Variants in KIF9 observed in about 807,000 individuals in gnomAD.
The protein encoded by KIF9 is kinesin family member 9, also known as kinesin-like protein KIF9.
KIF9 carries 68 observed loss-of-function variants against 94.8 expected under a neutral mutation model. The observed-to-expected ratio is 0.72, with a 90% CI of 0.59 to 0.88. The LOEUF is 0.88. Ranked by LOEUF, KIF9 falls within the 40% of genes least tolerant of loss-of-function variation. The pLI is 0.00. For synonymous variants in KIF9, 343 were observed against 362.1 expected (o/e 0.95, Z 0.60); for missense variants, 882 against 982.5 (o/e 0.90, Z 1.37).
chr3:47,282,475 G>T lies in KIF9; in HGVS notation c.-6+20C>A. On this transcript the variant is annotated intron_variant, in intron 1 of 20. Coordinates refer to ENST00000684063, the MANE Select transcript of KIF9 (RefSeq NM_182902.4). ...CTTTTCCCGTCTCCCCACTCCCACC[G>T]GCGAGCAGCCCCTGCTCACCGTTCA... 1 of 989,236 alleles carries T rather than the reference G, an allele frequency of 1.0e-6. No individual in the cohort carries two copies. Among genetic ancestry groups the T allele is most frequent in the Non-Finnish European group, 1.2e-6 (1 of 831,916 alleles). 61.3% of individuals were successfully genotyped at this position (989,236 alleles called of 1,614,324 possible).
intron 17 of KIF9, 54 bp downstream of exon 17, chr3:47,240,747 C>A (rs1699406655): frequency 2.0e-6 from 3 of 1,481,720 alleles, no homozygotes; most frequent in Admixed American, 3.4e-5. Context: ...TCTGCTTCAA[C>A]CAGCATGACT....
At chr3:47,232,980 C>CAA (rs1162797241) in intron 20 of KIF9, among the ~76,000 whole-genome samples, 4 of 48,538 alleles carry the variant, frequency 8.2e-5, no homozygotes, top group Non-Finnish European at 1.6e-4. Context: ...GACTCCATCT[C>CAA]AAAAAAAAAA....
intron 10 of KIF9, 32 bp from the exon 11 acceptor site, chr3:47,248,118 C>A: frequency 6.6e-7 from 1 of 1,525,492 alleles, no homozygotes; most frequent in Non-Finnish European, 9.1e-7. Flanking sequence ...TGGGGGCCGA[C>A]AGGAAGGATC....
chr3:47,264,395 T>C, intron 8 of KIF9, 45 bp from the exon 9 acceptor site: 4 of 1,539,578 alleles, frequency 2.6e-6, no homozygotes, highest in South Asian at 1.1e-5. Flanking sequence ...ATGTGTTTTT[T>C]CTGCTCCAAA....
At chr3:47,275,988 T>A (rs991096222) in intron 2 of KIF9, among the ~76,000 whole-genome samples, 22 of 152,220 alleles carry the variant, frequency 1.4e-4, no homozygotes, top group African/African-American at 5.1e-4. Flanking sequence ...AAGTGAGTGA[T>A]GATGAAATGA....
At chr3:47,278,218 C>T (rs1165907113) in intron 1 of KIF9, among the ~76,000 whole-genome samples, 1 of 151,896 alleles carries the variant, frequency 6.6e-6, no homozygotes, top group East Asian at 1.9e-4. Flanking sequence ...ACTACAGGTG[C>T]GTACCACTGT....
At chr3:47,238,216 AGATT>A (rs909921320) in intron 17 of KIF9, among the ~76,000 whole-genome samples, 9 of 152,048 alleles carry the variant, frequency 5.9e-5, no homozygotes, top group South Asian at 2.1e-4. Context: ...GGTATCTAAG[AGATT>A]GATTGATTGA....
chr3:47,282,519 G>C lies in KIF9; in HGVS notation c.-30C>G. The C allele has an allele frequency of 1.0e-6, 1 of 996,408 alleles. No individual in the cohort carries two copies. Among genetic ancestry groups the C allele is most frequent in the Non-Finnish European group, 1.2e-6 (1 of 836,032 alleles). 61.7% of individuals were successfully genotyped at this position (996,408 alleles called of 1,614,324 possible). On this transcript the variant is annotated 5_prime_UTR_variant, in exon 1 of 21. Transcript: ENST00000684063. ...CCGTTCACCAGGCAGCGACGCTCCCGGGACGCGACTGCCGCAACCGAAACC... is the reference window on the plus strand; with the variant it reads ...CCGTTCACCAGGCAGCGACGCTCCCCGGACGCGACTGCCGCAACCGAAACC...
At position 47,236,381 on chromosome 3, in the gene KIF9, T is replaced by C. The variant is rs1211427787; in HGVS notation, c.2101+62A>G. ...CTGAGGGTGCTTCCAGAACTCAGGC[T>C]GTGGCCTCTCCCTGAGTCTCCTTGT... On this transcript the variant is annotated intron_variant, in intron 18 of 20. Coordinates refer to ENST00000684063, the MANE Select transcript of KIF9 (RefSeq NM_182902.4). The C allele has an allele frequency of 5.1e-6, 8 of 1,558,208 alleles. No homozygotes were observed. In the African/African-American group the frequency reaches 9.5e-5, roughly 19 times the overall value.
chr3:47,250,737 G>A (rs1421872260), intron 10 of KIF9: 5 of 214,862 alleles, frequency 2.3e-5, no homozygotes, highest in African/African-American at 9.2e-5. Flanking sequence ...GAGAACCCTC[G>A]CTGTGAACAA....
At chr3:47,241,988 A>G (rs1699600034) in intron 16 of KIF9, among the ~76,000 whole-genome samples, 1 of 150,814 alleles carries the variant, frequency 6.6e-6, no homozygotes, top group Non-Finnish European at 1.5e-5. Context: ...GGCTCAATCA[A>G]TTCTCATGCC....
chr3:47,231,899 G>C (rs1209327822), intron 20 of KIF9: 1 of 152,212 alleles, frequency 6.6e-6, no homozygotes, highest in Non-Finnish European at 1.5e-5. Flanking sequence ...TAAACGTAAA[G>C]AGTGAATTCA....
intron 10 of KIF9, among the ~76,000 whole-genome samples, chr3:47,256,627 C>A (rs1340785352): frequency 6.6e-6 from 1 of 152,218 alleles, no homozygotes; most frequent in Non-Finnish European, 1.5e-5. Flanking sequence ...CGGCCACCAC[C>A]CCGTCTGGGA....
Position 47,267,263 on chromosome 3 carries a change from C to G in KIF9, c.592G>C (p.Gly198Arg). 1 of 1,609,278 alleles carries G rather than the reference C, an allele frequency of 6.2e-7. No homozygotes were observed. The highest frequency in any genetic ancestry group is 8.5e-7 in the Non-Finnish European group (1 of 1,175,808). Residue 198 changes from glycine to arginine, a missense_variant and splice_region_variant, in exon 6 of 21, where the codon GGT (glycine) becomes CGT (arginine). Transcript: ENST00000684063. ...EEDAFSLLFE[G>R]ETNRIIASHT... ...GAGGCTATAATCCTGTTGGTCTCAC[C>G]CTGAAGAGGAAGGGAATCATAGGCA...
At chr3:47,281,844 G>A (rs1316136157) in intron 1 of KIF9, among the ~76,000 whole-genome samples, 2 of 152,232 alleles carry the variant, frequency 1.3e-5, no homozygotes, top group African/African-American at 4.8e-5. Context: ...CTAGACAAGA[G>A]GAAAGGGAGC....
intron 1 of KIF9, among the ~76,000 whole-genome samples, chr3:47,279,622 A>ATT (rs1184305219): frequency 1.4e-5 from 2 of 146,762 alleles, no homozygotes; most frequent in African/African-American, 2.5e-5. Context: ...ATTTTATTTT[A>ATT]TTTTTTTTTT....
intron 3 of KIF9, 88 bp downstream of exon 3, chr3:47,275,237 G>T: frequency 2.0e-6 from 2 of 1,009,432 alleles, no homozygotes; most frequent in Non-Finnish European, 2.9e-6. Flanking sequence ...ATGATAGTGA[G>T]TGAGCTTTTA....
intron 17 of KIF9, chr3:47,238,320 T>C (rs6791842): frequency 0.57 from 85,924 of 151,894 alleles, 24,491 homozygotes; most frequent in Non-Finnish European, 0.6. Context: ...TGGGCTCAGG[T>C]GATCCTTTCA....
At position 47,248,080 on chromosome 3, in the gene KIF9, C is replaced by T. The variant is rs1413514012; in HGVS notation, c.1066G>A (p.Val356Ile). The T allele has an allele frequency of 6.2e-7, 1 of 1,613,142 alleles. No individual in the cohort carries two copies. Among genetic ancestry groups the T allele is most frequent in the South Asian group, 1.1e-5 (1 of 91,006 alleles). ...GCTAGTTCCTTCTCCAGGTTCTTGA[C>T]CATTCTCTGCCGGGAAACATGGTAG... ...INEKYDAERM[V>I]KNLEKELALL... The change falls in exon 11 of 21, where the codon GTC becomes ATC. Residue 356 changes from valine to isoleucine, a missense_variant. Physicochemically the swap from Val to Ile is conservative, Grantham distance 29. Coordinates refer to ENST00000684063, the MANE Select transcript of KIF9 (RefSeq NM_182902.4).
Sources: allele counts gnomAD v4.1 joint callset (sites outside exome capture counted in the v4.1 genomes callset), GRCh38; gene constraint gnomAD v4.1.1; transcripts MANE v1.5; gene names NCBI Gene and HGNC (gene_info 2026-07-23, HGNC 2026-07-21).